Variants in NCAM1 observed in about 807,000 individuals in gnomAD.
NCAM1 encodes the protein antigen recognized by monoclonal antibody 5.1H11.
A neutral mutation model predicts 109.8 loss-of-function variants in NCAM1; 14 were observed. The observed-to-expected ratio is 0.13, with a 90% CI of 0.08 to 0.20. NCAM1 has a LOEUF of 0.20. NCAM1 is among the 10% of genes least tolerant of loss of function. The pLI is 1.00. For missense variants in NCAM1, 774 were observed against 1,109.9 expected (o/e 0.70, Z 4.30); for synonymous variants, 418 against 442.9 (o/e 0.94, Z 0.70).
At chr11:113,115,539 A>T (rs933153433) in intron 1 of NCAM1, among the ~76,000 whole-genome samples, 3 of 152,188 alleles carry the variant, frequency 2.0e-5, no homozygotes, top group African/African-American at 7.2e-5. Flanking sequence ...TGTCTTTTAG[A>T]TTCTGTAAGG....
Position 113,270,346 on chromosome 11 carries a change from G to T in NCAM1, c.2290G>T (p.Gly764Trp). The T allele has an allele frequency of 6.2e-7, 1 of 1,613,994 alleles. No individual in the cohort carries two copies. Among genetic ancestry groups the T allele is most frequent in the Non-Finnish European group, 8.5e-7 (1 of 1,179,894 alleles). The change falls in exon 18 of 20, where the codon GGG becomes TGG. Residue 764 changes from glycine to tryptophan, a missense_variant. By Grantham distance (184) the Gly-to-Trp change is radical. Coordinates refer to ENST00000316851, the MANE Select transcript of NCAM1 (RefSeq NM_181351.5). Reference protein sequence around the residue: ...CIAVNLCGKAGPGAKGKDMEE... With the variant: ...CIAVNLCGKAWPGAKGKDMEE... ...TGCGGTCAACCTGTGTGGAAAAGCC[G>T]GGCCCGGGGCCAAGGGCAAGGACAT...
chr11:113,237,883 GATATATAGATATAGATATATAGAT>G lies in NCAM1; in HGVS notation c.1825+2733_1825+2756del, dbSNP rs1459471285. ...ATATATAGATATATAGATATATATA[GATATATAGATATAGATATATAGAT>G]ATATATAGATATATAGATATAGATA... On this transcript the variant is annotated intron_variant, in intron 14 of 19. Coordinates refer to ENST00000316851, the MANE Select transcript of NCAM1 (RefSeq NM_181351.5). Among the ~76,000 whole-genome samples, 265 of 66,822 alleles carry G rather than the reference GATATATAGATATAGATATATAGAT, an allele frequency of 4.0e-3. 7 individuals carry two copies. The highest frequency in any genetic ancestry group is 9.0e-3 in the South Asian group (11 of 1,222). 43.8% of individuals were successfully genotyped at this position (66,822 alleles called of 152,430 possible).
Position 113,112,908 on chromosome 11 carries a change from G to A in NCAM1, c.53-89471G>A, listed in dbSNP as rs1205482389. On this transcript the variant is annotated intron_variant, in intron 1 of 19. Transcript: ENST00000316851. Reference sequence around the variant, plus strand: ...GCACTTTGGGAGGCCGAGACAAGTGGATCATTTGAGGTCAGGAGTTCCAGA... The same window carrying A: ...GCACTTTGGGAGGCCGAGACAAGTGAATCATTTGAGGTCAGGAGTTCCAGA... 2.0e-5 allele frequency among the ~76,000 whole-genome samples: 3 copies of A among 152,102 alleles called. No homozygotes were observed. The East Asian group carries it at 5.8e-4, about 29-fold the overall frequency.
At chr11:113,113,019 C>G (rs1940514064) in intron 1 of NCAM1, among the ~76,000 whole-genome samples, 1 of 152,200 alleles carries the variant, frequency 6.6e-6, no homozygotes. Context: ...GTAATCCCAG[C>G]TACTCAGGAG....
At chr11:113,009,523 C>A (rs1951989429) in intron 1 of NCAM1, among the ~76,000 whole-genome samples, 1 of 151,624 alleles carries the variant, frequency 6.6e-6, no homozygotes, top group African/African-American at 2.4e-5. Flanking sequence ...GGTTCTCACC[C>A]TGTTGCCCAG....
At chr11:113,087,944 C>T (rs1411294921) in intron 1 of NCAM1, among the ~76,000 whole-genome samples, 1 of 152,224 alleles carries the variant, frequency 6.6e-6, no homozygotes, top group Non-Finnish European at 1.5e-5. Context: ...GCATTTCAGG[C>T]CAGTGCAGTG....
intron 1 of NCAM1, among the ~76,000 whole-genome samples, chr11:112,974,819 GTGTGTGTGTGTGTATGTA>G (rs1950966078): frequency 6.6e-6 from 1 of 151,782 alleles, no homozygotes; most frequent in East Asian, 2.0e-4. Flanking sequence ...GTTTGTGTGT[GTGTGTGTGTGTGTATGTA>G]TGTGTGTGTG....
In NCAM1 at chr11:113,205,918, T is replaced by C. The variant is rs2136933266; in HGVS notation, c.491-125T>C. 4 of 1,268,858 alleles carry C rather than the reference T, an allele frequency of 3.2e-6. No individual in the cohort carries two copies. In the East Asian group the frequency reaches 9.3e-5, roughly 30 times the overall value. 78.6% of individuals were successfully genotyped at this position (1,268,858 alleles called of 1,614,324 possible). A position where few individuals can be genotyped will look rare whatever the true frequency, so the allele number is the denominator to read the frequency against. On this transcript the variant is annotated intron_variant, in intron 4 of 19. Coordinates refer to ENST00000316851, the MANE Select transcript of NCAM1 (RefSeq NM_181351.5). ...GTATTTCAAAGCCAGGGACGCATTT[T>C]CTTATTTGGGCTTAAAACCCCACCC... is the stretch of plus-strand genomic sequence containing the variant.
chr11:112,965,148 C>A (rs1391167725), intron 1 of NCAM1, among the ~76,000 whole-genome samples: 1 of 151,654 alleles, frequency 6.6e-6, no homozygotes, highest in Non-Finnish European at 1.5e-5. Context: ...TCCTCTAAGT[C>A]TTACAATGAT....
chr11:113,189,358 G>A (rs1199673145), intron 1 of NCAM1, among the ~76,000 whole-genome samples: 1 of 149,626 alleles, frequency 6.7e-6, no homozygotes, highest in African/African-American at 2.5e-5. Flanking sequence ...GCTGAGGCCA[G>A]AGAATCACTT....
chr11:113,193,881 G>A (rs547008887), intron 1 of NCAM1, among the ~76,000 whole-genome samples: 8 of 152,268 alleles, frequency 5.3e-5, no homozygotes, highest in Admixed American at 1.3e-4. Context: ...AATTAGTCAC[G>A]TTTTCTAGCA....
chr11:113,257,010 T>G (rs1368191727), intron 16 of NCAM1, among the ~76,000 whole-genome samples: 1 of 152,220 alleles, frequency 6.6e-6, no homozygotes, highest in Non-Finnish European at 1.5e-5. Context: ...TTCTGGCAAG[T>G]CAGTTCAGCA....
At chr11:113,016,637 C>G (rs1224884567) in intron 1 of NCAM1, among the ~76,000 whole-genome samples, 1 of 152,190 alleles carries the variant, frequency 6.6e-6, no homozygotes, top group African/African-American at 2.4e-5. Context: ...GTATGACAGT[C>G]TCCTAAGAGA....
At chr11:113,174,696 T>C (rs1333474707) in intron 1 of NCAM1, among the ~76,000 whole-genome samples, 1 of 152,194 alleles carries the variant, frequency 6.6e-6, no homozygotes, top group African/African-American at 2.4e-5. Flanking sequence ...CTTAGTATTT[T>C]TTCCACTTGC....
intron 1 of NCAM1, among the ~76,000 whole-genome samples, chr11:113,129,347 A>G (rs1194633213): frequency 1.3e-5 from 2 of 152,130 alleles, no homozygotes; most frequent in Non-Finnish European, 2.9e-5. Flanking sequence ...GTTTCTACAT[A>G]ATTTTCTGTG....
intron 9 of NCAM1, among the ~76,000 whole-genome samples, chr11:113,225,154 G>A (rs141649508): frequency 0.031 from 4,662 of 152,182 alleles, 93 homozygotes; most frequent in African/African-American, 0.052. Flanking sequence ...GAGGAAGTTC[G>A]AACCCATGGC....
chr11:113,217,775 T>A (rs1944572860), intron 8 of NCAM1, among the ~76,000 whole-genome samples: 1 of 152,242 alleles, frequency 6.6e-6, no homozygotes, highest in African/African-American at 2.4e-5. Context: ...AAATTGCATT[T>A]TGTTTGTTGC....
At chr11:113,244,609 T>C (rs1322539033) in intron 14 of NCAM1, among the ~76,000 whole-genome samples, 2 of 151,954 alleles carry the variant, frequency 1.3e-5, no homozygotes, top group African/African-American at 4.8e-5. Flanking sequence ...AATCCATCAG[T>C]GGGGTTGAAA....
At chr11:113,036,980 T>C (rs1245206022) in intron 1 of NCAM1, among the ~76,000 whole-genome samples, 1 of 152,120 alleles carries the variant, frequency 6.6e-6, no homozygotes, top group Non-Finnish European at 1.5e-5. Context: ...GCTTTTTCCA[T>C]TTACCCTTTC....
Sources: gnomAD v4.1 joint callset for allele counts (sites outside exome capture counted in the v4.1 genomes callset) on GRCh38, gnomAD v4.1.1 for gene constraint, MANE v1.5 for transcripts, NCBI Gene and HGNC (gene_info 2026-07-23, HGNC 2026-07-21) for gene names.